The following RMST variants were observed in gnomAD, a reference collection of about 807,000 sequenced individuals.
RMST encodes rhabdomyosarcoma 2 associated transcript.
intron 5 of RMST, among the ~76,000 whole-genome samples, chr12:97,484,760 AC>A (rs1875875834): frequency 6.6e-6 from 1 of 152,214 alleles, no homozygotes; most frequent in Non-Finnish European, 1.5e-5. Context: ...ACTATTAATA[AC>A]AATAATTATA....
At chr12:97,482,586 C>G (rs1388867169) in intron 5 of RMST, among the ~76,000 whole-genome samples, 1 of 148,214 alleles carries the variant, frequency 6.7e-6, no homozygotes, top group Non-Finnish European at 1.5e-5. Context: ...AAAATTGATA[C>G]TCTTTAAGAT....
intron 5 of RMST, among the ~76,000 whole-genome samples, chr12:97,478,420 A>G (rs1428893363): frequency 6.6e-6 from 1 of 152,214 alleles, no homozygotes; most frequent in African/African-American, 2.4e-5. Flanking sequence ...ATCTCATTTC[A>G]TTGTCGTAAG....
chr12:97,489,882 A>C (rs561106075), intron 5 of RMST, among the ~76,000 whole-genome samples: 1 of 152,270 alleles, frequency 6.6e-6, no homozygotes, highest in South Asian at 2.1e-4. Context: ...TTTCATTCCC[A>C]TTTTATAGAC....
intron 5 of RMST, among the ~76,000 whole-genome samples, chr12:97,480,182 C>T (rs60807320): frequency 0.075 from 11,340 of 150,604 alleles, 643 homozygotes; most frequent in Middle Eastern, 0.13. Context: ...GCTCTGCCTG[C>T]GGGTTCATGC....
rs1055071301 is a variant in RMST at position 97,481,705 on chromosome 12, G to T, written n.645-10756G>T. On this transcript the variant is annotated intron_variant and non_coding_transcript_variant, in intron 5 of 13. Coordinates refer to ENST00000640149, the Ensembl canonical transcript of RMST. ...AGCATCTTTGGCAGTAGTCTTCATT[G>T]TTCCATCCGTGCAAGTGTTTTATGA... 7.2e-5 allele frequency among the ~76,000 whole-genome samples: 11 copies of T among 152,248 alleles called. No homozygotes were observed. The South Asian group carries it at 8.3e-4, about 11-fold the overall frequency.
At chr12:97,536,228 A>G (rs1454200597) in intron 11 of RMST, among the ~76,000 whole-genome samples, 3 of 151,586 alleles carry the variant, frequency 2.0e-5, no homozygotes, top group Admixed American at 1.3e-4. Context: ...TGTGGAAAAA[A>G]TATTTTTGAT....
intron 10 of RMST, among the ~76,000 whole-genome samples, chr12:97,521,649 G>A (rs1880526105): frequency 1.3e-5 from 2 of 152,066 alleles, no homozygotes; most frequent in South Asian, 4.1e-4. Context: ...CTGAACTGGG[G>A]AGATTTTCAT....
chr12:97,506,753 C>T (rs1213146045), intron 10 of RMST, among the ~76,000 whole-genome samples: 4 of 149,064 alleles, frequency 2.7e-5, no homozygotes, highest in Non-Finnish European at 5.9e-5. Context: ...GCGCAATCTC[C>T]GCTCACTGCA....
chr12:97,562,448 G>A (rs898984363), intron 13 of RMST, among the ~76,000 whole-genome samples: 2 of 152,148 alleles, frequency 1.3e-5, no homozygotes, highest in African/African-American at 4.8e-5. Context: ...AGATGTGGTA[G>A]AGGAGCGGTG....
chr12:97,470,689 ATTGTG>A (rs1245802871), intron 5 of RMST, among the ~76,000 whole-genome samples: 1 of 151,990 alleles, frequency 6.6e-6, no homozygotes, highest in African/African-American at 2.4e-5. Flanking sequence ...GGAAAGTGCA[ATTGTG>A]TTGTGTTTGT....
intron 5 of RMST, among the ~76,000 whole-genome samples, chr12:97,480,249 C>A (rs1009538374): frequency 6.6e-6 from 1 of 151,988 alleles, no homozygotes; most frequent in African/African-American, 2.4e-5. Flanking sequence ...ACCACCACGC[C>A]TGGCTAATTT....
At chr12:97,537,395 T>C (rs1882154281) in intron 11 of RMST, among the ~76,000 whole-genome samples, 1 of 151,494 alleles carries the variant, frequency 6.6e-6, no homozygotes, top group Non-Finnish European at 1.5e-5. Flanking sequence ...GACTGAGATT[T>C]AATTTAGGAA....
At chr12:97,563,528 TC>T (rs1416918609) in intron 13 of RMST, 1 of 307,898 alleles carries the variant, frequency 3.2e-6, no homozygotes, top group Non-Finnish European at 6.3e-6. Flanking sequence ...AAGTTCAATG[TC>T]AAAGTGATGA....
intron 11 of RMST, among the ~76,000 whole-genome samples, chr12:97,537,770 G>C (rs1039182413): frequency 4.0e-5 from 6 of 151,460 alleles, no homozygotes; most frequent in African/African-American, 1.2e-4. Flanking sequence ...ATGATATTCA[G>C]ACAGAAATGT....
At chr12:97,539,752 G>A (rs1040614388) in intron 11 of RMST, among the ~76,000 whole-genome samples, 6 of 151,498 alleles carry the variant, frequency 4.0e-5, no homozygotes, top group African/African-American at 7.3e-5. Context: ...ATGTCAAATC[G>A]GAACCAGGGT....
At chr12:97,501,918 T>G (rs1192936771) in intron 10 of RMST, among the ~76,000 whole-genome samples, 1 of 152,168 alleles carries the variant, frequency 6.6e-6, no homozygotes, top group Non-Finnish European at 1.5e-5. Context: ...TTATCTTGTT[T>G]CCTGGCCCAC....
intron 10 of RMST, among the ~76,000 whole-genome samples, chr12:97,497,784 G>C (rs1244169035): frequency 3.3e-5 from 5 of 151,922 alleles, no homozygotes; most frequent in East Asian, 1.9e-4. Flanking sequence ...ATGTGAATTA[G>C]AGCATAATTG....
At chr12:97,476,351 T>A (rs1874549654) in intron 5 of RMST, among the ~76,000 whole-genome samples, 1 of 152,252 alleles carries the variant, frequency 6.6e-6, no homozygotes, top group African/African-American at 2.4e-5. Context: ...CTTCTTCTCC[T>A]GCTTCATCTG....
chr12:97,501,531 C>T (rs964810945), intron 10 of RMST, among the ~76,000 whole-genome samples: 9 of 152,120 alleles, frequency 5.9e-5, no homozygotes, highest in African/African-American at 2.2e-4. Context: ...TCTCACCCAC[C>T]GTATCCAAGC....
Sources: allele counts gnomAD v4.1 joint callset (sites outside exome capture counted in the v4.1 genomes callset), GRCh38; gene constraint gnomAD v4.1.1; transcripts MANE v1.5; gene names NCBI Gene and HGNC (gene_info 2026-07-23, HGNC 2026-07-21).